DIAPH2: variants seen among roughly 807,000 people sequenced by gnomAD.
The protein encoded by DIAPH2 is diaphanous related formin 2.
DIAPH2 carries 35 observed loss-of-function variants against 92.7 expected under a neutral mutation model. The ratio of observed to expected loss-of-function variants is 0.38; its 90% CI spans 0.29 to 0.50. The LOEUF is 0.50. Ranked by LOEUF, DIAPH2 falls within the 20% of genes least tolerant of loss-of-function variation. The probability of loss-of-function intolerance (pLI) is 0.94; values close to 1 mark genes in which losing one functional copy is unlikely to be tolerated. For missense variants in DIAPH2, 701 were observed against 819.5 expected (o/e 0.86, Z 1.77); for synonymous variants, 301 against 280.4 (o/e 1.07, Z -0.73).
intron 4 of DIAPH2, among the ~76,000 whole-genome samples, chrX:96,852,342 C>T (rs910393917): frequency 8.9e-6 from 1 of 112,198 alleles, no homozygotes; most frequent in Non-Finnish European, 1.9e-5. Flanking sequence ...TGTTTTTAGA[C>T]ATACTCTTTA....
At position 97,232,362 on chromosome X, in the gene DIAPH2, G is replaced by A. The variant is rs146260228; in HGVS notation, c.2720-15353G>A. ...CGATTCTCCTGTCTCAGCCTCGCAA[G>A]TAGCTGGGATTACAGGCGTGTGCCG... On this transcript the variant is annotated intron_variant, in intron 22 of 26. Coordinates refer to ENST00000324765, the MANE Select transcript of DIAPH2 (RefSeq NM_006729.5). Among the ~76,000 whole-genome samples the A allele has an allele frequency of 6.7e-3, 750 of 111,521 alleles. 9 individuals carry two copies. Among genetic ancestry groups the A allele is most frequent in the African/African-American group, 0.023 (715 of 30,687 alleles).
At chrX:97,111,462 C>G (rs921161570) in intron 20 of DIAPH2, among the ~76,000 whole-genome samples, 4 of 111,927 alleles carry the variant, frequency 3.6e-5, no homozygotes, top group Non-Finnish European at 3.8e-5. Context: ...AGCAAACAAC[C>G]AGGTGACAAA....
intron 4 of DIAPH2, among the ~76,000 whole-genome samples, chrX:96,863,852 AG>A (rs1479575772): frequency 9.0e-6 from 1 of 111,668 alleles, no homozygotes; most frequent in Non-Finnish European, 1.9e-5. Flanking sequence ...ACTTGAGCCC[AG>A]AAGTTCGAGA....
chrX:97,489,757 A>G (rs760129524), intron 26 of DIAPH2, among the ~76,000 whole-genome samples: 30 of 111,642 alleles, frequency 2.7e-4, no homozygotes, highest in Non-Finnish European at 4.9e-4. Flanking sequence ...GCATATGTTC[A>G]AGCCATCCTC....
At chrX:97,223,987 C>T (rs1253200384) in intron 22 of DIAPH2, among the ~76,000 whole-genome samples, 2 of 111,500 alleles carry the variant, frequency 1.8e-5, no homozygotes, top group African/African-American at 6.5e-5. Flanking sequence ...GAAAAAGCAA[C>T]CATTTCCTGA....
At chrX:96,803,449 C>T (rs1456068423) in intron 4 of DIAPH2, among the ~76,000 whole-genome samples, 1 of 111,521 alleles carries the variant, frequency 9.0e-6, no homozygotes, top group Non-Finnish European at 1.9e-5. Context: ...TAAATCTTAA[C>T]TAGCCTTTAA....
Position 96,767,785 on chromosome X carries a change from TG to T in DIAPH2, c.447+9529del, listed in dbSNP as rs747172210. On this transcript the variant is annotated intron_variant, in intron 4 of 26. Coordinates refer to ENST00000324765, the MANE Select transcript of DIAPH2 (RefSeq NM_006729.5). Reference sequence around the variant, plus strand: ...TGTTTATTGGAAGCTATTTGTTATGTGGTGTGGATTATTGCTGGGCTTTGAG... The same window carrying T: ...TGTTTATTGGAAGCTATTTGTTATGTGTGTGGATTATTGCTGGGCTTTGAG... 9.7e-4 allele frequency among the ~76,000 whole-genome samples: 109 copies of T among 112,070 alleles called. 1 individual carries two copies. The highest frequency in any genetic ancestry group is 9.0e-4 in the Non-Finnish European group (48 of 53,185).
In DIAPH2 at chrX:97,390,514, C is replaced by T. The variant is rs758288985; in HGVS notation, c.3145+6470C>T. Among the ~76,000 whole-genome samples, 63 of 110,191 alleles carry T rather than the reference C, an allele frequency of 5.7e-4. 1 individual carries two copies. The highest frequency in any genetic ancestry group is 2.1e-3 in the African/African-American group (63 of 30,421). On this transcript the variant is annotated intron_variant, in intron 25 of 26. Coordinates refer to ENST00000324765, the MANE Select transcript of DIAPH2 (RefSeq NM_006729.5). ...TATAGGCGTGAGCTACTGTGCCTGG[C>T]CTATTTTCTTTTCTTTTCTTTTCTT...
intron 26 of DIAPH2, among the ~76,000 whole-genome samples, chrX:97,492,216 T>C (rs943476761): frequency 9.0e-6 from 1 of 111,396 alleles, no homozygotes; most frequent in African/African-American, 3.3e-5. Flanking sequence ...GGCAAATTCA[T>C]TGAGTCTAGG....
chrX:96,692,399 T>A (rs1320948744), intron 1 of DIAPH2, among the ~76,000 whole-genome samples: 2 of 112,115 alleles, frequency 1.8e-5, no homozygotes, highest in Non-Finnish European at 3.8e-5. Flanking sequence ...CCTAAAAAAA[T>A]TAGATTTTTG....
intron 22 of DIAPH2, among the ~76,000 whole-genome samples, chrX:97,159,383 A>G (rs1485957858): frequency 8.9e-6 from 1 of 112,350 alleles, no homozygotes; most frequent in Non-Finnish European, 1.9e-5. Context: ...TGTCTGAGGA[A>G]TGTTAGCTTT....
intron 22 of DIAPH2, among the ~76,000 whole-genome samples, chrX:97,171,017 C>T (rs186702250): frequency 3.6e-5 from 4 of 110,808 alleles, no homozygotes; most frequent in Admixed American, 9.7e-5. Context: ...GCTGGAATTA[C>T]AGGCACGCAC....
At chrX:97,477,243 A>T (rs2070616648) in intron 26 of DIAPH2, among the ~76,000 whole-genome samples, 2 of 108,519 alleles carry the variant, frequency 1.8e-5, no homozygotes, top group South Asian at 8.0e-4. Flanking sequence ...GGCAGGGAGA[A>T]TTGCTTAAAC....
intron 4 of DIAPH2, among the ~76,000 whole-genome samples, chrX:96,867,018 A>G (rs1312129512): frequency 8.9e-6 from 1 of 112,018 alleles, no homozygotes; most frequent in Non-Finnish European, 1.9e-5. Flanking sequence ...ACCAGCAGAA[A>G]CAGATGGTTG....
intron 4 of DIAPH2, among the ~76,000 whole-genome samples, chrX:96,869,548 T>TACTACC (rs2065125334): frequency 1.1e-5 from 1 of 87,943 alleles, no homozygotes; most frequent in Admixed American, 1.4e-4. Context: ...AAAATACTGC[T>TACTACC]ACTACTACCA....
At chrX:96,805,949 C>A (rs930781042) in intron 4 of DIAPH2, among the ~76,000 whole-genome samples, 2 of 111,981 alleles carry the variant, frequency 1.8e-5, no homozygotes, top group African/African-American at 6.5e-5. Flanking sequence ...TTAGGGTAGC[C>A]CATAAATCAC....
chrX:97,275,494 G>A (rs1446273946), intron 23 of DIAPH2, among the ~76,000 whole-genome samples: 5 of 106,556 alleles, frequency 4.7e-5, no homozygotes, highest in Non-Finnish European at 9.8e-5. Context: ...GGCGGCTGCC[G>A]GGCGGAGGGG....
At chrX:97,270,552 G>A (rs1462344151) in intron 23 of DIAPH2, among the ~76,000 whole-genome samples, 1 of 111,593 alleles carries the variant, frequency 9.0e-6, no homozygotes, top group Non-Finnish European at 1.9e-5. Context: ...ACACAGAAGT[G>A]GACATCTTTA....
intron 4 of DIAPH2, among the ~76,000 whole-genome samples, chrX:96,858,346 T>C (rs2065052929): frequency 1.8e-5 from 2 of 112,039 alleles, no homozygotes. Context: ...AGAACTTGGT[T>C]GAACCTTCCA....
Sources: allele counts gnomAD v4.1 joint callset (sites outside exome capture counted in the v4.1 genomes callset), GRCh38; gene constraint gnomAD v4.1.1; transcripts MANE v1.5; gene names NCBI Gene and HGNC (gene_info 2026-07-23, HGNC 2026-07-21).